The following CRMP1 variants were observed in gnomAD, a reference collection of about 807,000 sequenced individuals.
CRMP1 encodes the protein collapsin response mediator protein 1, also known as dihydropyrimidinase-related protein 1.
Under a neutral mutation model 68.3 loss-of-function variants are expected in CRMP1, and 19 were observed. The observed-to-expected ratio is 0.28, with a 90% CI of 0.19 to 0.41. The LOEUF (loss-of-function observed/expected upper bound fraction) is 0.41. Ranked by LOEUF, CRMP1 falls within the 10% of genes least tolerant of loss-of-function variation. CRMP1 has a pLI of 1.00. For synonymous variants in CRMP1, 439 were observed against 399.6 expected, an observed-to-expected ratio of 1.10 and a Z score of -1.18; for missense variants, 791 against 967.4, an observed-to-expected ratio of 0.82 and a Z score of 2.42.
At chr4:5,824,013 T>C (rs1376610709) in intron 13 of CRMP1, among the ~76,000 whole-genome samples, 1 of 152,186 alleles carries the variant, frequency 6.6e-6, no homozygotes, top group Non-Finnish European at 1.5e-5. Context: ...AGTGGTGCTG[T>C]GGGCCTCAGG....
rs534968065 is a variant in CRMP1, at chr4:5,891,855, T to G, written c.381+734A>C. The stretch of plus-strand genomic sequence containing the variant: ...CCTCTCCCTGATCCTCCCGGCCCCA[T>G]GCTCAGGTCCGGGAGGCCAGAGACC... On this transcript the variant is annotated intron_variant, in intron 1 of 13. Coordinates refer to ENST00000324989, the MANE Select transcript of CRMP1 (RefSeq NM_001014809.3). This position sits in a 1 kb window ranked among gnomAD's most constrained non-coding sequence, Gnocchi z 5.2. Among the ~76,000 whole-genome samples, 2 of 152,130 alleles carry G rather than the reference T, an allele frequency of 1.3e-5. No homozygotes were observed. Among genetic ancestry groups the G allele is most frequent in the East Asian group, 3.9e-4 (2 of 5,176 alleles).
intron 1 of CRMP1, among the ~76,000 whole-genome samples, chr4:5,884,834 T>C (rs1307711926): frequency 6.6e-6 from 1 of 152,074 alleles, no homozygotes; most frequent in African/African-American, 2.4e-5. Context: ...GCCTCCCCAC[T>C]TCGGTAGCTC....
chr4:5,884,062 G>T (rs1325931143), intron 1 of CRMP1, among the ~76,000 whole-genome samples: 1 of 152,168 alleles, frequency 6.6e-6, no homozygotes, highest in Non-Finnish European at 1.5e-5. Flanking sequence ...AGTCAGTAGT[G>T]GATGACTAAT....
chr4:5,874,724 A>G (rs1284091913), intron 1 of CRMP1, among the ~76,000 whole-genome samples: 1 of 152,142 alleles, frequency 6.6e-6, no homozygotes, highest in African/African-American at 2.4e-5. Context: ...GAGATAAAAG[A>G]AGGATAAAGA....
rs1246277493 is a variant in CRMP1 at position 5,842,598 on chromosome 4, TCACACACACACACACACACTCACTCA to T, written c.1032+469_1032+494del. ...CATGCACCCACACTCACACACTCTC[TCACACACACACACACACACTCACTCA>T]CACACACACACACGCACTGTCTCTC... On this transcript the variant is annotated intron_variant, in intron 7 of 13. Transcript: ENST00000324989. The surrounding 1 kb of genome is among the most constrained non-coding windows in gnomAD (Gnocchi z 4.5). Among the ~76,000 whole-genome samples, 1 of 136,360 alleles carries T rather than the reference TCACACACACACACACACACTCACTCA, an allele frequency of 7.3e-6. No homozygotes were observed. Among genetic ancestry groups the T allele is most frequent in the Non-Finnish European group, 1.6e-5 (1 of 61,612 alleles). The allele number at this position is 136,360 out of a possible 152,430, so 89.5% of individuals were successfully genotyped here.
chr4:5,855,299 G>A lies in CRMP1; in HGVS notation c.820+844C>T, dbSNP rs1352504894. ...GATACTGTTATTACGAGAAAACATA[G>A]CACAGCTATTTTAAAAATTGGAAAC... On this transcript the variant is annotated intron_variant, in intron 4 of 13. Transcript: ENST00000324989. This position sits in a 1 kb window ranked among gnomAD's most constrained non-coding sequence, Gnocchi z 4.9. 6.6e-6 allele frequency among the ~76,000 whole-genome samples: 1 copy of A among 152,104 alleles called. No individual in the cohort carries two copies. The highest frequency in any genetic ancestry group is 1.5e-5 in the Non-Finnish European group (1 of 68,036).
chr4:5,887,052 T>G (rs1715642055), intron 1 of CRMP1, among the ~76,000 whole-genome samples: 1 of 152,142 alleles, frequency 6.6e-6, no homozygotes, highest in Admixed American at 6.5e-5. Context: ...GCAGGGGGCC[T>G]GGGTTCCCTC....
chr4:5,892,805 C>T lies in CRMP1; in HGVS notation c.165G>A (p.Val55=). The T allele has an allele frequency of 7.3e-7, 1 of 1,375,442 alleles. No homozygotes were observed. The highest frequency in any genetic ancestry group is 9.5e-7 in the Non-Finnish European group (1 of 1,053,008). The allele number at this position is 1,375,442 out of a possible 1,614,324, so 85.2% of individuals were successfully genotyped here. Residue 55 remains valine, a synonymous_variant, in exon 1 of 14, where the codon GTG becomes GTA. Coordinates refer to ENST00000324989, the MANE Select transcript of CRMP1 (RefSeq NM_001014809.3). This position sits in a 1 kb window ranked among gnomAD's most constrained non-coding sequence, Gnocchi z 8.6. The part of the protein sequence containing the change: ...NKTIDFDAYS[V]GRRGSARTPR... ...GCGTGCGCGCCGAGCCGCGGCGGCCCACACTGTAGGCGTCGAAGTCGATGG... is the reference window on the plus strand; with the variant it reads ...GCGTGCGCGCCGAGCCGCGGCGGCCTACACTGTAGGCGTCGAAGTCGATGG...
In CRMP1 at chr4:5,849,415, C is replaced by G; in HGVS notation, c.940G>C (p.Glu314Gln). ...GLGAVILVHA[E>Q]NGDLIAQEQK... is the part of the protein sequence containing the mutation. Reference sequence around the variant, plus strand: ...ACCTGAGCTATCAAATCTCCATTTTCTGCATGGACCAAGATCACAGCTCCC... The same window carrying G: ...ACCTGAGCTATCAAATCTCCATTTTGTGCATGGACCAAGATCACAGCTCCC... The change falls in exon 6 of 14, where the codon GAA becomes CAA. Residue 314 changes from glutamate to glutamine, a missense_variant. Coordinates refer to ENST00000324989, the MANE Select transcript of CRMP1 (RefSeq NM_001014809.3). 1 of 1,613,832 alleles carries G rather than the reference C, an allele frequency of 6.2e-7. No individual in the cohort carries two copies. Among genetic ancestry groups the G allele is most frequent in the Non-Finnish European group, 8.5e-7 (1 of 1,179,916 alleles).
At chr4:5,835,136 T>C (rs927947819) in intron 11 of CRMP1, among the ~76,000 whole-genome samples, 2 of 152,152 alleles carry the variant, frequency 1.3e-5, no homozygotes, top group African/African-American at 4.8e-5. Flanking sequence ...CATGGGGCCA[T>C]GGGAACACCC....
rs761824632 is a variant in CRMP1 at position 5,836,807 on chromosome 4, G to A, written c.1410C>T (p.Asn470=). 11 of 1,613,922 alleles carry A rather than the reference G, an allele frequency of 6.8e-6. No homozygotes were observed. Among genetic ancestry groups the A allele is most frequent in the African/African-American group, 4.0e-5 (3 of 74,934 alleles). Residue 470 remains asparagine, a synonymous_variant, in exon 10 of 14, where the codon AAC becomes AAT. Transcript: ENST00000324989. ...CGACCGTCATCCGCTCCTCTATCCC[G>A]TTGACACCCTCGGGGATCAGGGTAA... is the stretch of plus-strand genomic sequence containing the variant. ...DNFTLIPEGV[N]GIEERMTVVW... is the part of the protein sequence containing the mutation.
At chr4:5,844,824 G>C (rs1377677156) in intron 6 of CRMP1, among the ~76,000 whole-genome samples, 1 of 152,216 alleles carries the variant, frequency 6.6e-6, no homozygotes, top group Non-Finnish European at 1.5e-5. Flanking sequence ...ACACACCCTA[G>C]GACCCAGCCA....
In CRMP1 at chr4:5,842,590, ACACT is replaced by A. The variant is rs35687755; in HGVS notation, c.1032+499_1032+502del. 4.1e-4 allele frequency among the ~76,000 whole-genome samples: 45 copies of A among 110,032 alleles called. No individual in the cohort carries two copies. In the East Asian group the frequency reaches 4.5e-3, roughly 11 times the overall value. 72.2% of individuals were successfully genotyped at this position (110,032 alleles called of 152,430 possible). On this transcript the variant is annotated intron_variant, in intron 7 of 13. Coordinates refer to ENST00000324989, the MANE Select transcript of CRMP1 (RefSeq NM_001014809.3). The surrounding 1 kb of genome is among the most constrained non-coding windows in gnomAD (Gnocchi z 4.5). ...TGCATGCACATGCACCCACACTCAC[ACACT>A]CTCTCACACACACACACACACACTC...
At chr4:5,849,884 C>T (rs1213652042) in intron 5 of CRMP1, among the ~76,000 whole-genome samples, 1 of 152,182 alleles carries the variant, frequency 6.6e-6, no homozygotes, top group Non-Finnish European at 1.5e-5. Context: ...TAAGCCTGTA[C>T]CATAGCCACC....
rs565923765 is a variant in CRMP1, at chr4:5,892,331, T to C, written c.381+258A>G. Among the ~76,000 whole-genome samples the C allele has an allele frequency of 6.6e-6, 1 of 151,882 alleles. No homozygotes were observed. The highest frequency in any genetic ancestry group is 2.1e-4 in the South Asian group (1 of 4,832). ...CCCTCTCAGAACCTCTCTCCCTTTC[T>C]GTAGAAGAGGAGCCGGGACTGGACC... On this transcript the variant is annotated intron_variant, in intron 1 of 13. Coordinates refer to ENST00000324989, the MANE Select transcript of CRMP1 (RefSeq NM_001014809.3). This position sits in a 1 kb window ranked among gnomAD's most constrained non-coding sequence, Gnocchi z 8.6.
intron 1 of CRMP1, chr4:5,887,963 C>T: frequency 1.7e-6 from 1 of 579,256 alleles, no homozygotes; most frequent in Admixed American, 4.7e-5. Context: ...CTGGCACATC[C>T]CGTGGGGGGA....
intron 1 of CRMP1, among the ~76,000 whole-genome samples, chr4:5,880,795 C>A (rs536923293): frequency 2.0e-5 from 3 of 152,200 alleles, no homozygotes; most frequent in South Asian, 2.1e-4. Flanking sequence ...CAGACAGTGC[C>A]TTGTTAAGGA....
chr4:5,825,625 TACATG>T lies in CRMP1; in HGVS notation c.1833_1837del (p.Met612Ter). ...TGGTACCTCGTACACAGGACCGTCA[TACATG>T]CCCCTGGAAACCCCTTGCAATCCAA... On this transcript the variant is annotated frameshift_variant, in exon 13 of 14. Coordinates refer to ENST00000324989, the MANE Select transcript of CRMP1 (RefSeq NM_001014809.3). LOFTEE classifies it high-confidence loss of function. This position sits in a 1 kb window ranked among gnomAD's most constrained non-coding sequence, Gnocchi z 4.4. The T allele has an allele frequency of 6.2e-7, 1 of 1,609,518 alleles. No homozygotes were observed. Among genetic ancestry groups the T allele is most frequent in the Non-Finnish European group, 8.5e-7 (1 of 1,178,518 alleles).
chr4:5,888,315 G>C lies in CRMP1; in HGVS notation c.381+4274C>G. 13 of 1,246,716 alleles carry C rather than the reference G, an allele frequency of 1.0e-5. No individual in the cohort carries two copies. The highest frequency in any genetic ancestry group is 1.3e-5 in the Non-Finnish European group (13 of 990,050). The allele number at this position is 1,246,716 out of a possible 1,614,324, so 77.2% of individuals were successfully genotyped here. On this transcript the variant is annotated intron_variant, in intron 1 of 13. Transcript: ENST00000324989. This position sits in a 1 kb window ranked among gnomAD's most constrained non-coding sequence, Gnocchi z 6.4. ...CGGCCGCTGACCTGCGGGGCTGTCT[G>C]ACTGGAACCGGCGCTCTCGGCCCCG... is the stretch of plus-strand genomic sequence containing the variant.
Sources: allele counts gnomAD v4.1 joint callset (sites outside exome capture counted in the v4.1 genomes callset), GRCh38; gene constraint gnomAD v4.1.1; non-coding constraint Gnocchi (gnomAD v3.1); transcripts MANE v1.5; gene names NCBI Gene and HGNC (gene_info 2026-07-23, HGNC 2026-07-21).